Variants in GCKR observed in about 807,000 individuals in gnomAD.
The protein encoded by GCKR is glucokinase regulator.
Under a neutral mutation model 82.9 loss-of-function variants are expected in GCKR, and 73 were observed. The observed-to-expected ratio is 0.88, with a 90% CI of 0.73 to 1.07. The LOEUF (loss-of-function observed/expected upper bound fraction) is 1.07, where lower values mean the gene tolerates loss of function less well. Among genes scored for constraint, GCKR ranks in the 50% least tolerant of loss-of-function variants. GCKR has a pLI of 0.00. For synonymous variants in GCKR, 294 were observed against 291.8 expected (o/e 1.01, Z -0.08); for missense variants, 784 against 782.1 (o/e 1.00, Z -0.03).
Position 27,505,818 on chromosome 2 carries a change from G to A in GCKR, c.851G>A (p.Gly284Asp). The A allele has an allele frequency of 6.4e-7, 1 of 1,565,364 alleles. No homozygotes were observed. Among genetic ancestry groups the A allele is most frequent in the Non-Finnish European group, 8.8e-7 (1 of 1,135,488 alleles). ...LLAAHKTVDQ[G>D]IAASQRCLLE... ...GCAGCCCATAAGACTGTGGACCAGG[G>A]CATTGCAGCATCTCAAAGGTAGGGA... is the stretch of plus-strand genomic sequence containing the variant. Residue 284 changes from glycine (G) to aspartate (D), a missense_variant, in exon 10 of 19, where the codon GGC (glycine) becomes GAC (aspartate). Coordinates refer to ENST00000264717, the MANE Select transcript of GCKR (RefSeq NM_001486.4).
At chr2:27,511,058 C>T (rs571299134) in intron 16 of GCKR, among the ~76,000 whole-genome samples, 9 of 152,146 alleles carry the variant, frequency 5.9e-5, no homozygotes, top group African/African-American at 1.2e-4. Context: ...GACAGAGTCT[C>T]GCTCTGTGGC....
In GCKR at chr2:27,523,406, C is replaced by A. The variant is rs577609268; in HGVS notation, c.1845C>A (p.Asp615Glu). ...LAGPGQKRTA[D>E]PLEILEPDVQ ...GGCCAGGTCAGAAGCGCACTGCGGA[C>A]CCCCTCGAGATCCTAGAGCCTGACG... is the stretch of plus-strand genomic sequence containing the variant. Residue 615 changes from aspartate (D) to glutamate (E), a missense_variant, in exon 19 of 19, where the codon GAC becomes GAA. Coordinates refer to ENST00000264717, the MANE Select transcript of GCKR (RefSeq NM_001486.4). 1.2e-6 allele frequency: 2 copies of A among 1,610,086 alleles called. No individual in the cohort carries two copies. Among genetic ancestry groups the A allele is most frequent in the African/African-American group, 1.3e-5 (1 of 75,034 alleles).
chr2:27,517,877 T>A (rs564650452), intron 16 of GCKR, among the ~76,000 whole-genome samples: 12 of 152,222 alleles, frequency 7.9e-5, no homozygotes, highest in Admixed American at 3.3e-4. Flanking sequence ...GCCCTCATCA[T>A]TGAATCAGAA....
chr2:27,513,012 T>A (rs1669927069), intron 16 of GCKR, among the ~76,000 whole-genome samples: 1 of 152,196 alleles, frequency 6.6e-6, no homozygotes, highest in Non-Finnish European at 1.5e-5. Flanking sequence ...AGGTACCTGA[T>A]GTCAGTTTGC....
chr2:27,523,193 C>G, intron 18 of GCKR, 76 bp from the exon 19 acceptor site: 1 of 1,315,282 alleles, frequency 7.6e-7, no homozygotes, highest in Non-Finnish European at 1.1e-6. Context: ...GCCACTGCGC[C>G]CGACCTTCCT....
Position 27,523,585 on chromosome 2 carries a change from C to A in GCKR, c.*146C>A. 1.3e-6 allele frequency: 1 copy of A among 764,900 alleles called. No homozygotes were observed. The highest frequency in any genetic ancestry group is 2.2e-6 in the Non-Finnish European group (1 of 452,356). The allele number at this position is 764,900 out of a possible 1,614,324, so 47.4% of individuals were successfully genotyped here. A position where few individuals can be genotyped will look rare whatever the true frequency, so the allele number is the denominator to read the frequency against. On this transcript the variant is annotated 3_prime_UTR_variant, in exon 19 of 19. Transcript: ENST00000264717. ...AGCCCAGGGTAGGGAGAAATATTCT[C>A]TCCACTTTGGGGGAGAGTTCTTGCT...
intron 9 of GCKR, among the ~76,000 whole-genome samples, chr2:27,505,234 A>C (rs1669693306): frequency 6.7e-6 from 1 of 149,642 alleles, no homozygotes; most frequent in Non-Finnish European, 1.5e-5. Context: ...ATCTCTACTA[A>C]AGATACAAAA....
chr2:27,499,264 G>T (rs1669511092), intron 6 of GCKR, 56 bp downstream of exon 6: 2 of 1,407,754 alleles, frequency 1.4e-6, no homozygotes, highest in East Asian at 2.3e-5. Context: ...TTCTCATGGG[G>T]ACATAAAAGC....
chr2:27,497,091 A>G (rs2148577532), intron 1 of GCKR, 127 bp downstream of exon 1: 1 of 1,207,820 alleles, frequency 8.3e-7, no homozygotes. Flanking sequence ...TAATATGCCC[A>G]GAGCACCAAG....
At chr2:27,509,539 T>C (rs1300645144) in intron 16 of GCKR, 1 of 446,888 alleles carries the variant, frequency 2.2e-6, no homozygotes, top group Non-Finnish European at 4.5e-6. Context: ...ATCGGGTTTC[T>C]CCACATTGCC....
chr2:27,508,137 G>A, intron 15 of GCKR, 31 bp from the exon 16 acceptor site: 1 of 1,585,772 alleles, frequency 6.3e-7, no homozygotes. Flanking sequence ...TCCTGGAGAT[G>A]CCTCTCCTGC....
chr2:27,513,909 T>TTGTGTG lies in GCKR; in HGVS notation c.1423-4845_1423-4840dup, dbSNP rs57848910. 3.8e-3 allele frequency among the ~76,000 whole-genome samples: 549 copies of TTGTGTG among 144,766 alleles called. 1 individual carries two copies. The highest frequency in any genetic ancestry group is 0.011 in the Middle Eastern group (3 of 280). The allele number at this position is 144,766 out of a possible 152,430, so 95.0% of individuals were successfully genotyped here. On this transcript the variant is annotated intron_variant, in intron 16 of 18. Coordinates refer to ENST00000264717, the MANE Select transcript of GCKR (RefSeq NM_001486.4). ...CCTCATTATTACTTATTATTTGCAT[T>TTGTGTG]TGTGTGTGTGTGTGTGTGTGTGTGT...
At chr2:27,507,332 G>A in intron 13 of GCKR, 21 bp downstream of exon 13, 1 of 1,467,632 alleles carries the variant, frequency 6.8e-7, no homozygotes, top group Non-Finnish European at 9.5e-7. Flanking sequence ...AACAGGACTT[G>A]GGGAAGCTGG....
chr2:27,514,317 C>T (rs1669955109), intron 16 of GCKR, among the ~76,000 whole-genome samples: 2 of 151,872 alleles, frequency 1.3e-5, no homozygotes. Flanking sequence ...TATATATATT[C>T]CCACTCTTCT....
At chr2:27,515,745 G>GTATATATATATATATATA (rs528066615) in intron 16 of GCKR, among the ~76,000 whole-genome samples, 1 of 129,464 alleles carries the variant, frequency 7.7e-6, no homozygotes, top group African/African-American at 2.9e-5. Flanking sequence ...CCAATTGTTC[G>GTATATATATATATATATA]TATATATATA....
intron 9 of GCKR, among the ~76,000 whole-genome samples, chr2:27,505,136 A>G (rs1383408107): frequency 1.4e-5 from 2 of 147,032 alleles, no homozygotes; most frequent in Non-Finnish European, 3.0e-5. Context: ...AAAAAAAAAA[A>G]AAAAAAAAAA....
intron 18 of GCKR, among the ~76,000 whole-genome samples, chr2:27,522,897 G>GTTTTTTTT (rs34507360): frequency 7.4e-6 from 1 of 134,960 alleles, no homozygotes; most frequent in African/African-American, 2.8e-5. Flanking sequence ...CCAGGGTTCT[G>GTTTTTTTT]TTTTTTTTTT....
chr2:27,505,742 C>T lies in GCKR; in HGVS notation c.775C>T (p.Arg259Trp), dbSNP rs138410297. 243 of 1,610,266 alleles carry T rather than the reference C, an allele frequency of 1.5e-4. No individual in the cohort carries two copies. The highest frequency in any genetic ancestry group is 6.7e-4 in the Middle Eastern group (4 of 5,930). Residue 259 changes from arginine (R) to tryptophan (W), a missense_variant, in exon 10 of 19, where the codon CGG becomes TGG. Physicochemically the swap from Arg to Trp is moderately radical, Grantham distance 101. Transcript: ENST00000264717. ...GCCCGAGGGTCTCAGCGGCTCCTCCCGGATGAAAGGTGGAAGTGCCACCAA... is the reference window on the plus strand; with the variant it reads ...GCCCGAGGGTCTCAGCGGCTCCTCCTGGATGAAAGGTGGAAGTGCCACCAA... ...IGPEGLSGSS[R>W]MKGGSATKIL...
At position 27,496,899 on chromosome 2, in the gene GCKR, G is replaced by A. The variant is rs774193402; in HGVS notation, c.-6G>A. ...AGGAGGAACAGTGTATCCACAGCGT[G>A]GGACCATGCCAGGCACAAAACGGTT... On this transcript the variant is annotated 5_prime_UTR_variant, in exon 1 of 19. Coordinates refer to ENST00000264717, the MANE Select transcript of GCKR (RefSeq NM_001486.4). 8 of 1,612,790 alleles carry A rather than the reference G, an allele frequency of 5.0e-6. No homozygotes were observed. Among genetic ancestry groups the A allele is most frequent in the Non-Finnish European group, 6.8e-6 (8 of 1,178,876 alleles).
Sources: allele counts gnomAD v4.1 joint callset (sites outside exome capture counted in the v4.1 genomes callset), GRCh38; gene constraint gnomAD v4.1.1; transcripts MANE v1.5; gene names NCBI Gene and HGNC (gene_info 2026-07-23, HGNC 2026-07-21).